MAN2A1: variants seen among roughly 807,000 people sequenced by gnomAD.
MAN2A1 encodes alpha-mannosidase 2.
A neutral mutation model predicts 142.6 loss-of-function variants in MAN2A1; 76 were observed. The ratio of observed to expected loss-of-function variants is 0.53; its 90% CI spans 0.44 to 0.65. The LOEUF (loss-of-function observed/expected upper bound fraction) is 0.65. Among genes scored for constraint, MAN2A1 ranks in the 30% least tolerant of loss-of-function variants. The probability of loss-of-function intolerance (pLI) is 0.00; values close to 1 mark genes in which losing one functional copy is unlikely to be tolerated. For missense variants in MAN2A1, 1,311 were observed against 1,365.1 expected, an observed-to-expected ratio of 0.96 and a Z score of 0.62; for synonymous variants, 559 against 473.2, an observed-to-expected ratio of 1.18 and a Z score of -2.35.
Position 109,755,310 on chromosome 5 carries a change from C to CTT in MAN2A1, c.708-18_708-17dup. ...TTCTTAACATTTATTAATGTAGACT[C>CTT]TTGTTATTTTCTCTCTAGTTTAATA... On this transcript the variant is annotated intron_variant, in intron 4 of 21. Coordinates refer to ENST00000261483, the MANE Select transcript of MAN2A1 (RefSeq NM_002372.4). 1 of 1,593,376 alleles carries CTT rather than the reference C, an allele frequency of 6.3e-7. No homozygotes were observed. The highest frequency in any genetic ancestry group is 8.6e-7 in the Non-Finnish European group (1 of 1,164,020).
intron 12 of MAN2A1, among the ~76,000 whole-genome samples, chr5:109,791,083 G>A (rs186390489): frequency 2.0e-5 from 3 of 152,004 alleles, no homozygotes; most frequent in Admixed American, 2.0e-4. Context: ...ATGGAATTTC[G>A]GGGGCTATTA....
At chr5:109,791,494 G>T (rs1347047111) in intron 12 of MAN2A1, among the ~76,000 whole-genome samples, 1 of 151,898 alleles carries the variant, frequency 6.6e-6, no homozygotes, top group African/African-American at 2.4e-5. Flanking sequence ...AGCCTTAGAG[G>T]TGTGGCTGTG....
intron 5 of MAN2A1, among the ~76,000 whole-genome samples, chr5:109,761,269 T>A (rs570935935): frequency 6.6e-6 from 1 of 151,912 alleles, no homozygotes; most frequent in East Asian, 1.9e-4. Flanking sequence ...TCTCTTATAG[T>A]AATGACATAG....
chr5:109,788,134 C>T (rs940343569), intron 10 of MAN2A1, among the ~76,000 whole-genome samples: 8 of 150,676 alleles, frequency 5.3e-5, no homozygotes, highest in South Asian at 2.1e-4. Flanking sequence ...ACGTGATTAG[C>T]GAGGAGTTTC....
intron 1 of MAN2A1, among the ~76,000 whole-genome samples, chr5:109,693,837 T>A (rs1054140132): frequency 6.6e-6 from 1 of 152,204 alleles, no homozygotes; most frequent in Non-Finnish European, 1.5e-5. Context: ...GAAACTTGTG[T>A]GTATATTTCA....
intron 19 of MAN2A1, among the ~76,000 whole-genome samples, chr5:109,852,135 G>A (rs538007480): frequency 6.2e-5 from 7 of 113,544 alleles, no homozygotes; most frequent in Non-Finnish European, 5.4e-5. Context: ...TAAAGAGTTG[G>A]CTTAAAAACA....
chr5:109,746,578 T>G (rs577733048), intron 4 of MAN2A1, among the ~76,000 whole-genome samples: 11 of 151,916 alleles, frequency 7.2e-5, no homozygotes, highest in African/African-American at 2.7e-4. Flanking sequence ...GCTGGTTTTT[T>G]TTTTTTTTTT....
chr5:109,740,904 C>T (rs1204674087), intron 4 of MAN2A1, among the ~76,000 whole-genome samples: 1 of 152,130 alleles, frequency 6.6e-6, no homozygotes, highest in Non-Finnish European at 1.5e-5. Flanking sequence ...CCTCCCCTCT[C>T]TCTTTTTTTT....
intron 17 of MAN2A1, 59 bp downstream of exon 17, chr5:109,842,520 TAA>T: frequency 5.6e-6 from 6 of 1,077,512 alleles, no homozygotes. Flanking sequence ...TTCTTATATA[TAA>T]CAATGGCCCA....
chr5:109,713,836 G>A lies in MAN2A1; in HGVS notation c.390+62G>A, dbSNP rs144099537. 525 of 1,463,762 alleles carry A rather than the reference G, an allele frequency of 3.6e-4. 2 individuals carry two copies. The African/African-American group carries it at 7.2e-3, about 20-fold the overall frequency. 90.7% of individuals were successfully genotyped at this position (1,463,762 alleles called of 1,614,324 possible). A position where few individuals can be genotyped will look rare whatever the true frequency, so the allele number is the denominator to read the frequency against. On this transcript the variant is annotated intron_variant, in intron 2 of 21. Transcript: ENST00000261483. ...TTTTTTTTTGTTCTTTTTAAGATTT[G>A]ACCTGATGTCTGTTCTGACTTGGTA...
chr5:109,849,194 CCTTTT>C (rs895470460), intron 19 of MAN2A1, among the ~76,000 whole-genome samples: 76 of 152,264 alleles, frequency 5.0e-4, no homozygotes, highest in African/African-American at 1.7e-3. Context: ...CTGGCCTTCT[CCTTTT>C]CTTATTTTTT....
intron 1 of MAN2A1, among the ~76,000 whole-genome samples, chr5:109,704,959 T>A (rs1357813666): frequency 6.6e-6 from 1 of 152,184 alleles, no homozygotes; most frequent in African/African-American, 2.4e-5. Flanking sequence ...CTGACTTCTC[T>A]CTTGAGTTCC....
intron 2 of MAN2A1, 32 bp downstream of exon 2, chr5:109,713,806 C>CTTTTTTTTT (rs56350644): frequency 8.7e-7 from 1 of 1,155,410 alleles, no homozygotes. Context: ...AATCACTGGC[C>CTTTTTTTTT]TTTTTTTTTT....
At chr5:109,706,135 A>C (rs1751123971) in intron 1 of MAN2A1, among the ~76,000 whole-genome samples, 1 of 152,200 alleles carries the variant, frequency 6.6e-6, no homozygotes, top group Non-Finnish European at 1.5e-5. Flanking sequence ...TAATCCTCAT[A>C]ACAACCCTAT....
chr5:109,832,847 G>A (rs974160413), intron 16 of MAN2A1, among the ~76,000 whole-genome samples: 12 of 144,592 alleles, frequency 8.3e-5, no homozygotes, highest in Non-Finnish European at 1.2e-4. Context: ...GGCGGCTGCC[G>A]GGCGGAGGGG....
chr5:109,859,801 G>GAGGA (rs1755711460), intron 20 of MAN2A1, among the ~76,000 whole-genome samples: 1 of 151,982 alleles, frequency 6.6e-6, no homozygotes, highest in Non-Finnish European at 1.5e-5. Flanking sequence ...GAGGGACAAA[G>GAGGA]AGGAAGCTGG....
intron 12 of MAN2A1, among the ~76,000 whole-genome samples, chr5:109,803,389 C>T (rs1754083077): frequency 1.3e-5 from 2 of 151,880 alleles, no homozygotes; most frequent in South Asian, 4.2e-4. Context: ...TTGCATGGTT[C>T]TAGTTTATTG....
At chr5:109,758,031 A>G (rs115963933) in intron 5 of MAN2A1, among the ~76,000 whole-genome samples, 3,962 of 152,188 alleles carry the variant, frequency 0.026, 76 homozygotes, top group Non-Finnish European at 0.04. Flanking sequence ...GTGTGACTCT[A>G]CCTTTCTTCC....
At chr5:109,735,279 A>G (rs992245817) in intron 4 of MAN2A1, among the ~76,000 whole-genome samples, 1 of 151,904 alleles carries the variant, frequency 6.6e-6, no homozygotes, top group Non-Finnish European at 1.5e-5. Flanking sequence ...TGCACGTGAG[A>G]TGGGTTTCCT....
Sources: allele counts gnomAD v4.1 joint callset (sites outside exome capture counted in the v4.1 genomes callset), GRCh38; gene constraint gnomAD v4.1.1; transcripts MANE v1.5; gene names NCBI Gene and HGNC (gene_info 2026-07-23, HGNC 2026-07-21).